Variants in CSMD2 observed in about 807,000 individuals in gnomAD.
CSMD2 encodes the protein CUB and sushi domain-containing protein 2.
In CSMD2, 130 loss-of-function variants were observed where a neutral mutation model predicts 398.5. The ratio of observed to expected loss-of-function variants is 0.33; its 90% confidence interval spans 0.28 to 0.38. CSMD2 has a LOEUF of 0.38. Ranked by LOEUF, CSMD2 falls within the 10% of genes least tolerant of loss-of-function variation. The pLI is 1.00. For missense variants in CSMD2, 3,829 were observed against 4,764.9 expected (o/e 0.80, Z 5.78); for synonymous variants, 1,828 against 1,908.5 (o/e 0.96, Z 1.10).
intron 5 of CSMD2, among the ~76,000 whole-genome samples, chr1:33,856,679 GA>G (rs1639119857): frequency 6.6e-6 from 1 of 152,026 alleles, no homozygotes; most frequent in South Asian, 2.1e-4. Flanking sequence ...GTCCCTGCCA[GA>G]GATCAGCAGC....
chr1:34,016,013 CTGTG>C (rs72213161), intron 3 of CSMD2, among the ~76,000 whole-genome samples: 33,447 of 148,970 alleles, frequency 0.22, 3,843 homozygotes, highest in Middle Eastern at 0.27. Flanking sequence ...ACTCCTTGCT[CTGTG>C]TGTGTGTGTG....
At chr1:33,588,169 G>T (rs572624006) in intron 44 of CSMD2, among the ~76,000 whole-genome samples, 1 of 152,216 alleles carries the variant, frequency 6.6e-6, no homozygotes, top group East Asian at 1.9e-4. Context: ...TATATAGCTT[G>T]TGTTGATCCT....
chr1:34,114,018 A>G (rs1294099694), intron 1 of CSMD2, among the ~76,000 whole-genome samples: 1 of 152,206 alleles, frequency 6.6e-6, no homozygotes, highest in Non-Finnish European at 1.5e-5. Context: ...ATGGGGAACC[A>G]GCATACTTTC....
chr1:33,829,981 T>C (rs2125029981), intron 6 of CSMD2, among the ~76,000 whole-genome samples: 1 of 152,300 alleles, frequency 6.6e-6, no homozygotes, highest in Admixed American at 6.5e-5. Flanking sequence ...TGCCCAGGCT[T>C]CAGTAGGTAA....
intron 3 of CSMD2, among the ~76,000 whole-genome samples, chr1:33,979,064 C>A (rs1402763811): frequency 6.6e-6 from 1 of 152,224 alleles, no homozygotes; most frequent in Non-Finnish European, 1.5e-5. Context: ...TTTCTGGAAG[C>A]TCCTGGACTT....
intron 1 of CSMD2, among the ~76,000 whole-genome samples, chr1:34,125,637 G>A (rs906086948): frequency 6.6e-6 from 1 of 152,020 alleles, no homozygotes; most frequent in Non-Finnish European, 1.5e-5. Flanking sequence ...TTTAGGTCAG[G>A]AAGTAAGGAC....
intron 5 of CSMD2, among the ~76,000 whole-genome samples, chr1:33,886,521 A>G (rs1641605637): frequency 6.6e-6 from 1 of 152,212 alleles, no homozygotes; most frequent in African/African-American, 2.4e-5. Context: ...GGAGAAGCTG[A>G]TGGCCTCTCT....
chr1:33,571,812 G>C, intron 50 of CSMD2, 86 bp from the exon 51 acceptor site: 1 of 1,005,042 alleles, frequency 9.9e-7, no homozygotes. Context: ...GGGACTTGGA[G>C]ACCTTAATGC....
chr1:34,062,998 A>G (rs918067354), intron 2 of CSMD2, among the ~76,000 whole-genome samples: 1 of 152,162 alleles, frequency 6.6e-6, no homozygotes, highest in African/African-American at 2.4e-5. Flanking sequence ...GCAACAAGAT[A>G]AAAGTGAGGA....
intron 4 of CSMD2, 144 bp from the exon 5 acceptor site, chr1:33,918,445 C>T: frequency 1.4e-6 from 1 of 717,750 alleles, no homozygotes; most frequent in Non-Finnish European, 2.3e-6. Context: ...CAGCAAATGA[C>T]TTTGTTTGGA....
intron 3 of CSMD2, among the ~76,000 whole-genome samples, chr1:34,010,122 T>G (rs1647198973): frequency 6.6e-6 from 1 of 152,222 alleles, no homozygotes; most frequent in Non-Finnish European, 1.5e-5. Context: ...CTTCCTTGCC[T>G]TCTGATACTA....
intron 51 of CSMD2, among the ~76,000 whole-genome samples, chr1:33,570,646 T>C (rs1659513678): frequency 6.6e-6 from 1 of 152,142 alleles, no homozygotes; most frequent in African/African-American, 2.4e-5. Context: ...AGAGCCCCTT[T>C]TAGGACCGAG....
intron 2 of CSMD2, among the ~76,000 whole-genome samples, chr1:34,061,099 G>C (rs1654446766): frequency 6.6e-6 from 1 of 152,132 alleles, no homozygotes; most frequent in South Asian, 2.1e-4. Context: ...CTGGGACATT[G>C]GCCAATGTCT....
In CSMD2 at chr1:33,623,254, G is replaced by A. The variant is rs1570980410; in HGVS notation, c.5722+116C>T. 35 of 748,030 alleles carry A rather than the reference G, an allele frequency of 4.7e-5. No homozygotes were observed. In the East Asian group the frequency reaches 8.5e-4, roughly 18 times the overall value. The allele number at this position is 748,030 out of a possible 1,614,324, so 46.3% of individuals were successfully genotyped here. ...ACCACTGATGTGTCCACTTGAAAAT[G>A]GTGAATTTCATGGAATATAAGTGAT... On this transcript the variant is annotated intron_variant, in intron 36 of 70. Transcript: ENST00000373381.
chr1:33,812,986 C>G (rs897998512), intron 9 of CSMD2: 2 of 152,176 alleles, frequency 1.3e-5, no homozygotes, highest in African/African-American at 4.8e-5. Flanking sequence ...AGCCCTGATT[C>G]CGTCCCACCT....
intron 5 of CSMD2, among the ~76,000 whole-genome samples, chr1:33,880,377 A>C (rs1641151608): frequency 6.6e-6 from 1 of 151,698 alleles, no homozygotes; most frequent in African/African-American, 2.4e-5. Flanking sequence ...TAATACATTC[A>C]AACTTTCTAT....
intron 64 of CSMD2, among the ~76,000 whole-genome samples, chr1:33,531,379 CATT>C (rs1445811328): frequency 6.6e-6 from 1 of 152,182 alleles, no homozygotes; most frequent in Non-Finnish European, 1.5e-5. Flanking sequence ...GACCCTGATG[CATT>C]GCTGGTGGGA....
chr1:33,943,324 C>G (rs912520777), intron 3 of CSMD2, among the ~76,000 whole-genome samples: 1 of 152,264 alleles, frequency 6.6e-6, no homozygotes, highest in African/African-American at 2.4e-5. Flanking sequence ...TCCTCTCTAC[C>G]TTTTCTCTCA....
intron 1 of CSMD2, among the ~76,000 whole-genome samples, chr1:34,150,079 C>CTTTTTTTTTTT (rs772520303): frequency 1.4e-5 from 2 of 138,088 alleles, no homozygotes; most frequent in African/African-American, 5.4e-5. Flanking sequence ...TTTCTTCTTT[C>CTTTTTTTTTTT]TTTTTTTTTT....
Sources: allele counts gnomAD v4.1 joint callset (sites outside exome capture counted in the v4.1 genomes callset), GRCh38; gene constraint gnomAD v4.1.1; transcripts MANE v1.5; gene names NCBI Gene and HGNC (gene_info 2026-07-23, HGNC 2026-07-21).